The following THSD4 variants were observed in gnomAD, a reference collection of about 807,000 sequenced individuals.
THSD4 encodes thrombospondin type 1 domain containing 4, also known as thrombospondin type-1 domain-containing protein 4.
In THSD4, 69 loss-of-function variants were observed where a neutral mutation model predicts 119.0. The ratio of observed to expected loss-of-function variants is 0.58; its 90% CI spans 0.48 to 0.71. The LOEUF is 0.71. Ranked by LOEUF, THSD4 falls within the 30% of genes least tolerant of loss-of-function variation. THSD4 has a pLI of 0.00. For missense variants in THSD4, 1,393 were observed against 1,391.1 expected (o/e 1.00, Z -0.02); for synonymous variants, 524 against 540.4 (o/e 0.97, Z 0.42).
intron 11 of THSD4, among the ~76,000 whole-genome samples, chr15:71,739,449 A>T (rs1345236847): frequency 6.6e-6 from 1 of 152,224 alleles, no homozygotes; most frequent in African/African-American, 2.4e-5. Context: ...CAGGGGTCAC[A>T]TCAGGATGAT....
intron 6 of THSD4, among the ~76,000 whole-genome samples, chr15:71,378,876 G>A (rs956754580): frequency 3.9e-5 from 6 of 152,046 alleles, no homozygotes; most frequent in South Asian, 4.2e-4. Flanking sequence ...CTGGAACTCC[G>A]GAGCTCAAAG....
chr15:71,487,686 GT>G (rs1209993369), intron 7 of THSD4, among the ~76,000 whole-genome samples: 1 of 152,160 alleles, frequency 6.6e-6, no homozygotes, highest in Non-Finnish European at 1.5e-5. Flanking sequence ...TTGTTCAAAT[GT>G]TTGTTGAGGA....
At chr15:71,606,376 G>A (rs1306309562) in intron 7 of THSD4, among the ~76,000 whole-genome samples, 3 of 152,078 alleles carry the variant, frequency 2.0e-5, no homozygotes, top group South Asian at 2.1e-4. Context: ...GGAGTATTTT[G>A]CAGCAGTGTG....
At chr15:71,213,824 G>T (rs1227959278) in intron 3 of THSD4, among the ~76,000 whole-genome samples, 1 of 152,194 alleles carries the variant, frequency 6.6e-6, no homozygotes, top group Non-Finnish European at 1.5e-5. Flanking sequence ...TTAGTGCCAA[G>T]CTCTCTGCTA....
intron 7 of THSD4, 135 bp downstream of exon 7, chr15:71,411,958 A>T (rs948980388): frequency 5.0e-6 from 6 of 1,204,160 alleles, no homozygotes; most frequent in Non-Finnish European, 5.7e-6. Flanking sequence ...GCGCTCTGGG[A>T]GGAGTGGGCT....
At chr15:71,698,652 AAATATATACATGC>A (rs1393938852) in intron 8 of THSD4, among the ~76,000 whole-genome samples, 1 of 132,488 alleles carries the variant, frequency 7.5e-6, no homozygotes, top group Admixed American at 7.0e-5. Flanking sequence ...TATATACATG[AAATATATACATGC>A]ATGTATATAT....
At chr15:71,576,129 C>G (rs1397745678) in intron 7 of THSD4, among the ~76,000 whole-genome samples, 1 of 151,532 alleles carries the variant, frequency 6.6e-6, no homozygotes, top group African/African-American at 2.4e-5. Context: ...ATTGTTCTCA[C>G]TTGACAATAA....
At chr15:71,318,400 T>C (rs1262603190) in intron 6 of THSD4, among the ~76,000 whole-genome samples, 7 of 152,304 alleles carry the variant, frequency 4.6e-5, no homozygotes, top group Non-Finnish European at 1.0e-4. Context: ...TGGTGTTTTC[T>C]ACACCTGGGA....
At chr15:71,654,397 A>G (rs2051149055) in intron 7 of THSD4, among the ~76,000 whole-genome samples, 1 of 152,226 alleles carries the variant, frequency 6.6e-6, no homozygotes, top group South Asian at 2.1e-4. Context: ...TCCACCCAGA[A>G]TAGATTAACT....
At chr15:71,352,419 G>A (rs1344100560) in intron 6 of THSD4, among the ~76,000 whole-genome samples, 2 of 152,174 alleles carry the variant, frequency 1.3e-5, no homozygotes, top group African/African-American at 4.8e-5. Context: ...ACTTTGTATG[G>A]AGATAAATTA....
intron 6 of THSD4, among the ~76,000 whole-genome samples, chr15:71,374,244 C>T (rs1596378100): frequency 6.6e-6 from 1 of 152,204 alleles, no homozygotes; most frequent in East Asian, 1.9e-4. Context: ...CTTTGCAAAG[C>T]ACTCAGTTCA....
At chr15:71,714,275 G>C (rs7169771) in intron 8 of THSD4, among the ~76,000 whole-genome samples, 25,736 of 151,916 alleles carry the variant, frequency 0.17, 2,403 homozygotes, top group Middle Eastern at 0.22. Flanking sequence ...TGTGTGTTGG[G>C]GGGGGAGGGG....
At chr15:71,134,749 A>G (rs2040533819) in intron 1 of THSD4, among the ~76,000 whole-genome samples, 1 of 152,226 alleles carries the variant, frequency 6.6e-6, no homozygotes. Flanking sequence ...ACAGTGTAAA[A>G]GTGTTCCTAT....
At position 71,724,520 on chromosome 15, in the gene THSD4, C is replaced by CCT. The variant is rs2052797156; in HGVS notation, c.1358-4029_1358-4028insCT. On this transcript the variant is annotated intron_variant, in intron 8 of 17. Coordinates refer to ENST00000261862, the MANE Select transcript of THSD4 (RefSeq NM_024817.3). ...CAGGATGGTCTTGATCTCCTGACCTCGTGATCCGCCAGCCTCAGCCTCCCA... is the reference window on the plus strand; with the variant it reads ...CAGGATGGTCTTGATCTCCTGACCTCCTGTGATCCGCCAGCCTCAGCCTCCCA... Among the ~76,000 whole-genome samples, 6 of 151,344 alleles carry CCT rather than the reference C, an allele frequency of 4.0e-5. No individual in the cohort carries two copies. The South Asian group carries it at 1.3e-3, about 32-fold the overall frequency.
chr15:71,165,479 C>T, intron 3 of THSD4: 2 of 1,275,612 alleles, frequency 1.6e-6, no homozygotes, highest in Non-Finnish European at 2.2e-6. Context: ...TCTCACTTGC[C>T]CTGGCGCTGT....
At chr15:71,350,744 G>A (rs60193973) in intron 6 of THSD4, among the ~76,000 whole-genome samples, 49,788 of 151,764 alleles carry the variant, frequency 0.33, 8,322 homozygotes, top group Middle Eastern at 0.4. Flanking sequence ...CTGAGGCCTT[G>A]GGGGAGGGCA....
chr15:71,238,983 G>A (rs1304201521), intron 4 of THSD4, among the ~76,000 whole-genome samples: 1 of 152,126 alleles, frequency 6.6e-6, no homozygotes, highest in African/African-American at 2.4e-5. Flanking sequence ...AGCCATCCTA[G>A]TGAACATGAA....
In THSD4 at chr15:71,745,204, G is replaced by A. The variant is rs755939680; in HGVS notation, c.2005G>A (p.Glu669Lys). The A allele has an allele frequency of 4.3e-6, 7 of 1,613,710 alleles. No individual in the cohort carries two copies. The highest frequency in any genetic ancestry group is 5.1e-6 in the Non-Finnish European group (6 of 1,180,020). The change falls in exon 12 of 18, where the codon GAG (glutamate) becomes AAG (lysine). Residue 669 changes from glutamate (E) to lysine (K), a missense_variant. Glu to Lys is a moderately conservative substitution (Grantham distance 56). Coordinates refer to ENST00000261862, the MANE Select transcript of THSD4 (RefSeq NM_024817.3). ...DSSMKPTPEE[E>K]PCNIFPCPAF... is the part of the protein sequence containing the mutation. ...CAGCATGAAGCCGACCCCCGAGGAG[G>A]AGCCCTGCAACATCTTCCCTTGCCC... is the stretch of plus-strand genomic sequence containing the variant.
intron 1 of THSD4, among the ~76,000 whole-genome samples, chr15:71,132,845 C>T (rs1280372148): frequency 6.6e-6 from 1 of 152,224 alleles, no homozygotes; most frequent in Non-Finnish European, 1.5e-5. Flanking sequence ...CACACGTGCT[C>T]ACCAGAGTGG....
Sources: gnomAD v4.1 joint callset for allele counts (sites outside exome capture counted in the v4.1 genomes callset) on GRCh38, gnomAD v4.1.1 for gene constraint, MANE v1.5 for transcripts, NCBI Gene and HGNC (gene_info 2026-07-23, HGNC 2026-07-21) for gene names.